The following SOS2 variants were observed in gnomAD, a reference collection of about 807,000 sequenced individuals.
SOS2 encodes the protein son of sevenless homolog 2.
A neutral mutation model predicts 148.2 loss-of-function variants in SOS2; 65 were observed. The observed-to-expected ratio is 0.44, with a 90% CI of 0.36 to 0.54. The LOEUF (loss-of-function observed/expected upper bound fraction) is 0.54. Among genes scored for constraint, SOS2 ranks in the 20% least tolerant of loss-of-function variants. The pLI is 0.00. For synonymous variants in SOS2, 539 were observed against 537.1 expected, an observed-to-expected ratio of 1.00 and a Z score of -0.05; for missense variants, 1,341 against 1,590.2, an observed-to-expected ratio of 0.84 and a Z score of 2.67.
At chr14:50,226,067 C>T (rs1887365028) in intron 1 of SOS2, among the ~76,000 whole-genome samples, 1 of 150,590 alleles carries the variant, frequency 6.6e-6, no homozygotes, top group South Asian at 2.1e-4. Flanking sequence ...TGTTTACTTC[C>T]TTATTGTCTG....
At chr14:50,176,135 A>G (rs1306516604) in intron 7 of SOS2, among the ~76,000 whole-genome samples, 2 of 152,198 alleles carry the variant, frequency 1.3e-5, no homozygotes, top group African/African-American at 2.4e-5. Flanking sequence ...GGCCTAAGGG[A>G]GCTTGTTTGT....
intron 17 of SOS2, 48 bp from the exon 18 acceptor site, chr14:50,138,832 G>A (rs1594965070): frequency 1.5e-6 from 1 of 682,954 alleles, no homozygotes. Context: ...TTTAAATTTT[G>A]TTATTTAATC....
intron 8 of SOS2, among the ~76,000 whole-genome samples, chr14:50,170,966 T>G (rs922529509): frequency 6.6e-6 from 1 of 151,420 alleles, no homozygotes; most frequent in Admixed American, 6.6e-5. Context: ...TACAAAAAAT[T>G]AGCTGGGTGT....
At chr14:50,139,211 T>C (rs1166773337) in intron 17 of SOS2, among the ~76,000 whole-genome samples, 1 of 152,244 alleles carries the variant, frequency 6.6e-6, no homozygotes, top group East Asian at 1.9e-4. Flanking sequence ...TATAGGCTTA[T>C]AAACTAATTC....
At chr14:50,141,152 C>T (rs1263158876) in intron 16 of SOS2, among the ~76,000 whole-genome samples, 5 of 138,630 alleles carry the variant, frequency 3.6e-5, no homozygotes. Context: ...TGCCGTGAGC[C>T]GAGATTGTGC....
rs185879775 is a variant in SOS2 at position 50,140,943 on chromosome 14, G to A, written c.2668-884C>T. 1.9e-3 allele frequency among the ~76,000 whole-genome samples: 284 copies of A among 151,696 alleles called. 2 individuals carry two copies. Among genetic ancestry groups the A allele is most frequent in the African/African-American group, 6.6e-3 (272 of 41,376 alleles). The stretch of plus-strand genomic sequence containing the variant: ...TCTGAGGCCAGGTGCAGTGGCTCAC[G>A]CCTGTAATCCCAGCACTTTGGGAGG... On this transcript the variant is annotated intron_variant, in intron 16 of 22. Transcript: ENST00000216373.
In SOS2 at chr14:50,138,789, T is replaced by TA. The variant is rs201957103; in HGVS notation, c.2786-6dup. 0.19 allele frequency: 113,710 copies of TA among 613,240 alleles called. 3,576 individuals carry two copies. Among genetic ancestry groups the TA allele is most frequent in the East Asian group, 0.36 (9,963 of 27,700 alleles). The allele number at this position is 613,240 out of a possible 1,614,324, so 38.0% of individuals were successfully genotyped here. A position where few individuals can be genotyped will look rare whatever the true frequency, so the allele number is the denominator to read the frequency against. On this transcript the variant is annotated splice_polypyrimidine_tract_variant and splice_region_variant and intron_variant, in intron 17 of 22. Coordinates refer to ENST00000216373, the MANE Select transcript of SOS2 (RefSeq NM_006939.4). Reference sequence around the variant, plus strand: ...GAATATTTGTTAAATATATTCCTAGTAAAAAAAAAAAAAGAATTTAAAGAA... The same window carrying TA: ...GAATATTTGTTAAATATATTCCTAGTAAAAAAAAAAAAAAGAATTTAAAGAA...
intron 1 of SOS2, chr14:50,215,354 A>G (rs1015311558): frequency 1.4e-5 from 18 of 1,262,296 alleles, no homozygotes; most frequent in Middle Eastern, 2.2e-4. Flanking sequence ...AAAAATAAAC[A>G]CACAATGTTA....
chr14:50,215,962 G>A (rs958730089), intron 1 of SOS2, among the ~76,000 whole-genome samples: 3 of 152,110 alleles, frequency 2.0e-5, no homozygotes, highest in Non-Finnish European at 4.4e-5. Context: ...AAATCCTTTT[G>A]GATATAGAGT....
chr14:50,186,407 C>G (rs1027865514), intron 5 of SOS2, among the ~76,000 whole-genome samples: 2 of 152,034 alleles, frequency 1.3e-5, no homozygotes, highest in African/African-American at 4.8e-5. Flanking sequence ...ATTCTTCATA[C>G]CACTAGAGAC....
intron 14 of SOS2, among the ~76,000 whole-genome samples, chr14:50,147,053 A>C (rs534308513): frequency 6.6e-6 from 1 of 151,618 alleles, no homozygotes; most frequent in African/African-American, 2.4e-5. Flanking sequence ...AAAAAAAAAA[A>C]CAGGCACAGT....
At chr14:50,146,666 C>G (rs1884484761) in intron 14 of SOS2, among the ~76,000 whole-genome samples, 1 of 151,624 alleles carries the variant, frequency 6.6e-6, no homozygotes, top group African/African-American at 2.4e-5. Flanking sequence ...AAACAAAAAA[C>G]AAAGTTATAA....
chr14:50,210,186 T>G (rs1048810900), intron 1 of SOS2, among the ~76,000 whole-genome samples: 1 of 152,106 alleles, frequency 6.6e-6, no homozygotes, highest in African/African-American at 2.4e-5. Flanking sequence ...GACAATGGCA[T>G]AAGGATAGAG....
At chr14:50,153,294 C>T in intron 12 of SOS2, 121 bp from the exon 13 acceptor site, 2 of 552,420 alleles carry the variant, frequency 3.6e-6, no homozygotes, top group East Asian at 2.8e-5. Context: ...CAAAGACTCT[C>T]TAATCTGTAT....
chr14:50,227,943 C>A (rs1595042213), intron 1 of SOS2, among the ~76,000 whole-genome samples: 1 of 152,092 alleles, frequency 6.6e-6, no homozygotes, highest in East Asian at 1.9e-4. Flanking sequence ...GGCTGTGTTT[C>A]AGTACAGTGC....
rs2139734457 is a variant in SOS2, at chr14:50,188,655, G to C, written c.556C>G (p.Leu186Val). 2 of 1,610,724 alleles carry C rather than the reference G, an allele frequency of 1.2e-6. No individual in the cohort carries two copies. The highest frequency in any genetic ancestry group is 8.5e-7 in the Non-Finnish European group (1 of 1,178,730). The change falls in exon 5 of 23, where the codon CTC becomes GTC. Residue 186 changes from leucine to valine, a missense_variant. Coordinates refer to ENST00000216373, the MANE Select transcript of SOS2 (RefSeq NM_006939.4). ...GAAGAACTAGGTTCATCTTCACAGA[G>C]AGAAACCAAACCTATGTCATCCTGA... ...FDQDDIGLVSLCEDEPSSSGE... is the reference protein window; with the variant it reads ...FDQDDIGLVSVCEDEPSSSGE...
chr14:50,215,265 AAG>A (rs1442460577), intron 1 of SOS2: 1 of 500,204 alleles, frequency 2.0e-6, no homozygotes, highest in Non-Finnish European at 3.1e-6. Flanking sequence ...TTTGTTAAAT[AAG>A]CTACAAAGCA....
intron 1 of SOS2, among the ~76,000 whole-genome samples, chr14:50,208,423 G>A (rs1260944043): frequency 6.6e-6 from 1 of 152,040 alleles, no homozygotes; most frequent in Admixed American, 6.6e-5. Flanking sequence ...AGGCTGAGAC[G>A]GGGGGATCAC....
chr14:50,198,026 G>A (rs2139773357), intron 4 of SOS2, among the ~76,000 whole-genome samples: 1 of 150,252 alleles, frequency 6.7e-6, no homozygotes, highest in Admixed American at 6.6e-5. Flanking sequence ...TGAAGTTAAG[G>A]GAGGAATGAG....
Sources: gnomAD v4.1 joint callset for allele counts (sites outside exome capture counted in the v4.1 genomes callset) on GRCh38, gnomAD v4.1.1 for gene constraint, MANE v1.5 for transcripts, NCBI Gene and HGNC (gene_info 2026-07-23, HGNC 2026-07-21) for gene names.